ROBO2: variants seen among roughly 807,000 people sequenced by gnomAD.
ROBO2 encodes roundabout guidance receptor 2, also known as roundabout homolog 2.
A neutral mutation model predicts 160.8 loss-of-function variants in ROBO2; 53 were observed. The ratio of observed to expected loss-of-function variants is 0.33; its 90% CI spans 0.26 to 0.41. ROBO2 has a LOEUF of 0.41. Among genes scored for constraint, ROBO2 ranks in the 10% least tolerant of loss-of-function variants. The pLI is 1.00. For synonymous variants in ROBO2, 664 were observed against 611.7 expected, an observed-to-expected ratio of 1.09 and a Z score of -1.26; for missense variants, 1,577 against 1,722.4, an observed-to-expected ratio of 0.92 and a Z score of 1.49.
At chr3:76,932,801 G>A (rs1389289837) in intron 2 of ROBO2, among the ~76,000 whole-genome samples, 1 of 152,084 alleles carries the variant, frequency 6.6e-6, no homozygotes, top group Non-Finnish European at 1.5e-5. Flanking sequence ...CGCAAGCACA[G>A]TCCTGAAAGC....
At chr3:77,189,574 G>A (rs780070295) in intron 2 of ROBO2, among the ~76,000 whole-genome samples, 7 of 151,860 alleles carry the variant, frequency 4.6e-5, no homozygotes, top group African/African-American at 1.2e-4. Flanking sequence ...CTTGAACACC[G>A]AGTTTATTCT....
chr3:77,108,406 G>C (rs1360806987), intron 2 of ROBO2, among the ~76,000 whole-genome samples: 1 of 151,900 alleles, frequency 6.6e-6, no homozygotes, highest in Non-Finnish European at 1.5e-5. Context: ...TGGAACTCCT[G>C]GCCCTATGTG....
At chr3:76,248,430 G>C (rs542274015) in intron 2 of ROBO2, among the ~76,000 whole-genome samples, 6 of 146,360 alleles carry the variant, frequency 4.1e-5, no homozygotes, top group African/African-American at 1.5e-4. Flanking sequence ...TCATAGGTGG[G>C]AATTGAACAA....
intron 2 of ROBO2, among the ~76,000 whole-genome samples, chr3:77,434,204 A>G (rs769821613): frequency 5.3e-5 from 8 of 152,066 alleles, no homozygotes; most frequent in Non-Finnish European, 1.0e-4. Flanking sequence ...GCCTTTGAAT[A>G]CATTGCTTCC....
At chr3:76,058,529 G>A (rs1473927649) in intron 2 of ROBO2, among the ~76,000 whole-genome samples, 1 of 148,950 alleles carries the variant, frequency 6.7e-6, no homozygotes, top group Non-Finnish European at 1.5e-5. Context: ...AATAGGTAGA[G>A]TGACGATTTC....
At chr3:76,437,056 A>G (rs986315095) in intron 2 of ROBO2, among the ~76,000 whole-genome samples, 4 of 152,346 alleles carry the variant, frequency 2.6e-5, no homozygotes, top group Middle Eastern at 3.4e-3. Context: ...TTTGTGTAAC[A>G]GAATGATTCA....
At chr3:76,935,047 G>C (rs560938638) in intron 2 of ROBO2, among the ~76,000 whole-genome samples, 5 of 150,454 alleles carry the variant, frequency 3.3e-5, no homozygotes, top group Admixed American at 2.0e-4. Context: ...TGACTCCTAG[G>C]CTCAGGCGAT....
intron 2 of ROBO2, among the ~76,000 whole-genome samples, chr3:76,030,982 A>T (rs181122940): frequency 1.3e-5 from 2 of 152,224 alleles, no homozygotes; most frequent in Admixed American, 1.3e-4. Flanking sequence ...CACAATATTG[A>T]TTCTTCCTAT....
chr3:76,229,419 C>CA (rs954426157), intron 2 of ROBO2, among the ~76,000 whole-genome samples: 26 of 151,212 alleles, frequency 1.7e-4, no homozygotes, highest in African/African-American at 4.8e-4. Flanking sequence ...ATCATCATTT[C>CA]AAAAAAACAA....
chr3:77,277,306 A>G (rs1444824568), intron 2 of ROBO2, among the ~76,000 whole-genome samples: 1 of 145,134 alleles, frequency 6.9e-6, no homozygotes, highest in Admixed American at 6.9e-5. Flanking sequence ...TTCAACTATT[A>G]TTTTAAGTTC....
chr3:77,327,811 A>G (rs2065567503), intron 2 of ROBO2, among the ~76,000 whole-genome samples: 2 of 152,080 alleles, frequency 1.3e-5, no homozygotes, highest in Admixed American at 1.3e-4. Context: ...GCACTTTGGG[A>G]GGCCGAGGTG....
At chr3:76,409,612 G>T (rs1318404663) in intron 2 of ROBO2, among the ~76,000 whole-genome samples, 1 of 152,032 alleles carries the variant, frequency 6.6e-6, no homozygotes, top group Non-Finnish European at 1.5e-5. Context: ...AGGAGGAACA[G>T]GTGCAGTAAC....
At chr3:76,598,553 G>C (rs2086890297) in intron 2 of ROBO2, among the ~76,000 whole-genome samples, 1 of 152,028 alleles carries the variant, frequency 6.6e-6, no homozygotes, top group Non-Finnish European at 1.5e-5. Flanking sequence ...TTACCATTGG[G>C]GGAATGGGCA....
At chr3:77,184,628 C>T (rs1363684619) in intron 2 of ROBO2, among the ~76,000 whole-genome samples, 1 of 151,744 alleles carries the variant, frequency 6.6e-6, no homozygotes, top group Admixed American at 6.6e-5. Flanking sequence ...GATGGTGGGA[C>T]AATGTGAGCA....
chr3:76,898,598 A>G (rs1338089223), intron 2 of ROBO2, among the ~76,000 whole-genome samples: 1 of 152,152 alleles, frequency 6.6e-6, no homozygotes. Flanking sequence ...ACAAATGAAC[A>G]TTAACAATTC....
chr3:76,707,942 C>T (rs1422222609), intron 2 of ROBO2, among the ~76,000 whole-genome samples: 1 of 151,950 alleles, frequency 6.6e-6, no homozygotes, highest in Admixed American at 6.6e-5. Flanking sequence ...AGCTGCTATA[C>T]AGCTGCTATC....
Position 76,252,557 on chromosome 3 carries a change from C to A in ROBO2, c.109+314955C>A, listed in dbSNP as rs372273066. 2.8e-4 allele frequency among the ~76,000 whole-genome samples: 42 copies of A among 151,792 alleles called. No homozygotes were observed. The East Asian group carries it at 7.4e-3, about 27-fold the overall frequency. On this transcript the variant is annotated intron_variant, in intron 2 of 26. Transcript: ENST00000487694. ...AATATGGTATGTGTGTGCATATTTACATATGCACACACACATATATATGGC... is the reference window on the plus strand; with the variant it reads ...AATATGGTATGTGTGTGCATATTTAAATATGCACACACACATATATATGGC...
chr3:76,775,091 T>C (rs376501207), intron 2 of ROBO2, among the ~76,000 whole-genome samples: 5 of 150,784 alleles, frequency 3.3e-5, no homozygotes, highest in Admixed American at 2.0e-4. Flanking sequence ...CTTATTTTTC[T>C]AAAATGAAGG....
chr3:76,538,965 C>A (rs1321971130), intron 2 of ROBO2, among the ~76,000 whole-genome samples: 1 of 152,062 alleles, frequency 6.6e-6, no homozygotes, highest in Non-Finnish European at 1.5e-5. Flanking sequence ...CAATGATAGA[C>A]TGGATAAAGA....
Sources: allele counts gnomAD v4.1 joint callset (sites outside exome capture counted in the v4.1 genomes callset), GRCh38; gene constraint gnomAD v4.1.1; transcripts MANE v1.5; gene names NCBI Gene and HGNC (gene_info 2026-07-23, HGNC 2026-07-21).